Variants in AP3B1 observed in about 807,000 individuals in gnomAD.
AP3B1 encodes AP-3 complex subunit beta-1.
Under a neutral mutation model 132.5 loss-of-function variants are expected in AP3B1, and 61 were observed. That is an observed-to-expected ratio of 0.46 (90% CI 0.37 to 0.57). AP3B1 has a LOEUF of 0.57. AP3B1 is among the 20% of genes least tolerant of loss of function. The pLI, the probability that AP3B1 is intolerant of heterozygous loss-of-function variation, is 0.00. For synonymous variants in AP3B1, 388 were observed against 438.3 expected, an observed-to-expected ratio of 0.89 and a Z score of 1.43; for missense variants, 1,120 against 1,289.4, an observed-to-expected ratio of 0.87 and a Z score of 2.01.
intron 12 of AP3B1, among the ~76,000 whole-genome samples, chr5:78,163,620 TATAGTATATATATAGTATAC>T (rs1435736508): frequency 2.0e-5 from 3 of 146,462 alleles, no homozygotes; most frequent in Non-Finnish European, 4.5e-5. Context: ...TGTGTGTATA[TATAGTATATATATAGTATAC>T]ATATATATAT....
chr5:78,141,337 T>TTA lies in AP3B1; in HGVS notation c.1474-20_1474-19dup. 6.2e-7 allele frequency: 1 copy of TTA among 1,605,284 alleles called. No homozygotes were observed. Among genetic ancestry groups the TTA allele is most frequent in the Non-Finnish European group, 8.5e-7 (1 of 1,172,742 alleles). On this transcript the variant is annotated intron_variant, in intron 14 of 26. Coordinates refer to ENST00000255194, the MANE Select transcript of AP3B1 (RefSeq NM_003664.5). The stretch of plus-strand genomic sequence containing the variant: ...ACAGGAACCTAATATGAGAAGCAGA[T>TTA]TACATAGTTAGAAGTAAGTTAATCA...
At chr5:78,110,945 A>C (rs993735058) in intron 19 of AP3B1, among the ~76,000 whole-genome samples, 17 of 151,976 alleles carry the variant, frequency 1.1e-4, no homozygotes, top group African/African-American at 3.6e-4. Context: ...TTTTGTAGAG[A>C]CAGGGTCTCA....
At chr5:78,230,115 A>T (rs528790883) in intron 3 of AP3B1, among the ~76,000 whole-genome samples, 1 of 152,342 alleles carries the variant, frequency 6.6e-6, no homozygotes, top group African/African-American at 2.4e-5. Context: ...ATTCTTGATT[A>T]AAACCATACA....
chr5:78,183,110 T>A (rs1370448133), intron 7 of AP3B1, among the ~76,000 whole-genome samples: 1 of 152,166 alleles, frequency 6.6e-6, no homozygotes, highest in Non-Finnish European at 1.5e-5. Flanking sequence ...GTACCTTGTA[T>A]CCCTCCTAGC....
At position 78,028,135 on chromosome 5, in the gene AP3B1, A is replaced by C. The variant is rs373882350; in HGVS notation, c.2894+6226T>G. Among the ~76,000 whole-genome samples, 185 of 152,116 alleles carry C rather than the reference A, an allele frequency of 1.2e-3. 1 individual carries two copies. The highest frequency in any genetic ancestry group is 0.01 in the Middle Eastern group (3 of 294). On this transcript the variant is annotated intron_variant, in intron 24 of 26. Coordinates refer to ENST00000255194, the MANE Select transcript of AP3B1 (RefSeq NM_003664.5). ...GTAAGACTCTGTCTCAAAACAACAA[A>C]AAAAAAGAAAATAATTAAATTGAAT...
chr5:78,168,467 T>G (rs775368641), intron 11 of AP3B1, among the ~76,000 whole-genome samples: 43 of 152,056 alleles, frequency 2.8e-4, no homozygotes, highest in Non-Finnish European at 5.6e-4. Flanking sequence ...CAAGCGATCC[T>G]CCTGCCTCAG....
intron 7 of AP3B1, among the ~76,000 whole-genome samples, chr5:78,208,318 T>C (rs1233554435): frequency 6.6e-6 from 1 of 152,204 alleles, no homozygotes; most frequent in Non-Finnish European, 1.5e-5. Flanking sequence ...TGTGTTCAGC[T>C]ATATATAACA....
At chr5:78,178,733 T>C (rs1286409464) in intron 8 of AP3B1, among the ~76,000 whole-genome samples, 1 of 152,172 alleles carries the variant, frequency 6.6e-6, no homozygotes, top group Admixed American at 6.5e-5. Context: ...TGCAGAGACA[T>C]AGCTACAGAT....
intron 22 of AP3B1, among the ~76,000 whole-genome samples, chr5:78,059,574 T>C (rs564600193): frequency 6.7e-6 from 1 of 149,416 alleles, no homozygotes; most frequent in Non-Finnish European, 1.5e-5. Flanking sequence ...TATTTTCTCA[T>C]TGAACTTAAA....
chr5:78,139,897 T>C (rs1370700376), intron 15 of AP3B1, among the ~76,000 whole-genome samples: 1 of 151,702 alleles, frequency 6.6e-6, no homozygotes, highest in Non-Finnish European at 1.5e-5. Flanking sequence ...GAGAGATATC[T>C]AGGCAGAAAG....
intron 7 of AP3B1, among the ~76,000 whole-genome samples, chr5:78,183,576 T>C (rs1744461078): frequency 1.3e-5 from 2 of 152,138 alleles, no homozygotes; most frequent in Non-Finnish European, 2.9e-5. Context: ...TAGCAAAGAA[T>C]TATAAAGTCT....
At chr5:78,261,318 T>G (rs1748081280) in intron 2 of AP3B1, among the ~76,000 whole-genome samples, 3 of 152,232 alleles carry the variant, frequency 2.0e-5, no homozygotes, top group Admixed American at 2.0e-4. Context: ...TAAAGTGATC[T>G]TACTATGGTT....
intron 7 of AP3B1, among the ~76,000 whole-genome samples, chr5:78,190,085 T>C (rs1244302986): frequency 1.3e-5 from 2 of 151,934 alleles, no homozygotes; most frequent in Non-Finnish European, 2.9e-5. Context: ...ATTACAGAAA[T>C]TGTAATTTCC....
intron 22 of AP3B1, among the ~76,000 whole-genome samples, chr5:78,051,227 C>G (rs1363989436): frequency 6.6e-6 from 1 of 152,114 alleles, no homozygotes; most frequent in Admixed American, 6.5e-5. Context: ...TCCCTAATAA[C>G]AGACAGACAG....
intron 3 of AP3B1, among the ~76,000 whole-genome samples, chr5:78,228,532 GTA>G (rs1288088022): frequency 6.6e-6 from 1 of 152,122 alleles, no homozygotes; most frequent in Non-Finnish European, 1.5e-5. Flanking sequence ...TAACTAAATT[GTA>G]AAAATATTTT....
At chr5:78,153,417 CT>C (rs151309501) in intron 14 of AP3B1, among the ~76,000 whole-genome samples, 8 of 147,424 alleles carry the variant, frequency 5.4e-5, no homozygotes, top group Admixed American at 1.4e-4. Flanking sequence ...TTTTCCATCC[CT>C]TTTTTTTTTC....
chr5:78,143,288 C>T lies in AP3B1; in HGVS notation c.1474-1969G>A, dbSNP rs143158827. Among the ~76,000 whole-genome samples, 467 of 152,080 alleles carry T rather than the reference C, an allele frequency of 3.1e-3. 1 individual carries two copies. The highest frequency in any genetic ancestry group is 0.011 in the African/African-American group (438 of 41,514). On this transcript the variant is annotated intron_variant, in intron 14 of 26. Transcript: ENST00000255194. ...AAATTAAAATTAAAATATTGGAATACTGTAAACACTCACGATACATATATT... is the reference window on the plus strand; with the variant it reads ...AAATTAAAATTAAAATATTGGAATATTGTAAACACTCACGATACATATATT...
intron 22 of AP3B1, among the ~76,000 whole-genome samples, chr5:78,040,121 C>G (rs567745911): frequency 2.0e-5 from 3 of 152,104 alleles, no homozygotes; most frequent in Admixed American, 6.5e-5. Context: ...GATAAGGTGG[C>G]TTCTTCCTTT....
At chr5:78,220,519 TGGCAG>T (rs1746132831) in intron 6 of AP3B1, among the ~76,000 whole-genome samples, 1 of 151,842 alleles carries the variant, frequency 6.6e-6, no homozygotes, top group Non-Finnish European at 1.5e-5. Flanking sequence ...CAGAAGTTAA[TGGCAG>T]GCCTAAAAGT....
Sources: gnomAD v4.1 joint callset for allele counts (sites outside exome capture counted in the v4.1 genomes callset) on GRCh38, gnomAD v4.1.1 for gene constraint, MANE v1.5 for transcripts, NCBI Gene and HGNC (gene_info 2026-07-23, HGNC 2026-07-21) for gene names.